SLC25A21: variants seen among roughly 807,000 people sequenced by gnomAD.
SLC25A21 encodes the protein mitochondrial 2-oxodicarboxylate carrier.
A neutral mutation model predicts 43.8 loss-of-function variants in SLC25A21; 47 were observed. That is an observed-to-expected ratio of 1.07 (90% confidence interval 0.85 to 1.37). The LOEUF (loss-of-function observed/expected upper bound fraction) is 1.37. SLC25A21 is among the 40% of genes most tolerant of loss of function. SLC25A21 has a pLI of 0.00. For missense variants in SLC25A21, 352 were observed against 350.2 expected, an observed-to-expected ratio of 1.00 and a Z score of -0.04; for synonymous variants, 131 against 121.3, an observed-to-expected ratio of 1.08 and a Z score of -0.52.
chr14:36,693,214 A>G (rs775482172), intron 7 of SLC25A21, among the ~76,000 whole-genome samples: 2 of 152,206 alleles, frequency 1.3e-5, no homozygotes, highest in East Asian at 3.8e-4. Context: ...AAAATTTCCC[A>G]TTTTATCCTG....
At chr14:36,785,364 A>G (rs911365132) in intron 3 of SLC25A21, among the ~76,000 whole-genome samples, 17 of 152,330 alleles carry the variant, frequency 1.1e-4, no homozygotes, top group African/African-American at 3.8e-4. Flanking sequence ...ATTCATTGCC[A>G]TGCATTTAAT....
intron 2 of SLC25A21, among the ~76,000 whole-genome samples, chr14:36,830,489 C>T (rs1469417901): frequency 6.6e-6 from 1 of 151,834 alleles, no homozygotes; most frequent in Non-Finnish European, 1.5e-5. Context: ...ATTATTGTTT[C>T]CTACTACACT....
At chr14:36,786,953 G>A (rs1887275424) in intron 3 of SLC25A21, among the ~76,000 whole-genome samples, 2 of 152,160 alleles carry the variant, frequency 1.3e-5, no homozygotes, top group Admixed American at 6.5e-5. Flanking sequence ...TGAGCCTGTG[G>A]TAATAAAATA....
At chr14:37,039,534 T>A (rs1961399989) in intron 1 of SLC25A21, among the ~76,000 whole-genome samples, 1 of 152,220 alleles carries the variant, frequency 6.6e-6, no homozygotes, top group Non-Finnish European at 1.5e-5. Context: ...CTTTTTTGTC[T>A]GACTTCTTTC....
intron 1 of SLC25A21, among the ~76,000 whole-genome samples, chr14:36,938,509 T>G (rs1892481431): frequency 6.6e-6 from 1 of 152,144 alleles, no homozygotes; most frequent in Non-Finnish European, 1.5e-5. Context: ...TACGGCCTTC[T>G]AAGTCTGCAT....
At chr14:36,730,004 C>T (rs149570098) in intron 4 of SLC25A21, among the ~76,000 whole-genome samples, 219 of 152,320 alleles carry the variant, frequency 1.4e-3, no homozygotes, top group Middle Eastern at 6.8e-3. Context: ...CCTTAACTTG[C>T]ATTTCTATTG....
chr14:36,885,123 T>C (rs919645194), intron 1 of SLC25A21, among the ~76,000 whole-genome samples: 7 of 152,208 alleles, frequency 4.6e-5, no homozygotes, highest in Admixed American at 2.6e-4. Flanking sequence ...TTAATCCACT[T>C]TGAGTTGATT....
intron 2 of SLC25A21, among the ~76,000 whole-genome samples, chr14:36,835,810 T>A (rs112741425): frequency 3.4e-4 from 52 of 152,220 alleles, no homozygotes; most frequent in African/African-American, 1.2e-3. Flanking sequence ...TTTTTCTCCA[T>A]CTTCCTTCTC....
At chr14:36,703,530 A>C (rs1051615133) in intron 7 of SLC25A21, among the ~76,000 whole-genome samples, 3 of 152,244 alleles carry the variant, frequency 2.0e-5, no homozygotes, top group Non-Finnish European at 4.4e-5. Context: ...TCTAACCCAC[A>C]CATGTAATTT....
chr14:36,843,234 T>A (rs900446411), intron 2 of SLC25A21, among the ~76,000 whole-genome samples: 2 of 152,152 alleles, frequency 1.3e-5, no homozygotes, highest in African/African-American at 4.8e-5. Flanking sequence ...TTCAGTCTTC[T>A]CCATCGTGCC....
At chr14:36,830,407 G>T (rs1453191313) in intron 2 of SLC25A21, among the ~76,000 whole-genome samples, 1 of 152,100 alleles carries the variant, frequency 6.6e-6, no homozygotes, top group Non-Finnish European at 1.5e-5. Flanking sequence ...AACCTAAGGT[G>T]TAACAAAGAT....
intron 1 of SLC25A21, among the ~76,000 whole-genome samples, chr14:37,053,696 A>C (rs1961758995): frequency 6.6e-6 from 1 of 152,208 alleles, no homozygotes; most frequent in African/African-American, 2.4e-5. Flanking sequence ...AACCTGAAAT[A>C]GTTTGTTATA....
intron 1 of SLC25A21, among the ~76,000 whole-genome samples, chr14:37,082,207 G>C (rs1355797960): frequency 1.3e-5 from 2 of 152,046 alleles, no homozygotes; most frequent in African/African-American, 4.8e-5. Context: ...ATAAATATAG[G>C]AACAACAGAC....
At chr14:37,014,417 C>T (rs917538577) in intron 1 of SLC25A21, among the ~76,000 whole-genome samples, 1 of 152,138 alleles carries the variant, frequency 6.6e-6, no homozygotes, top group Non-Finnish European at 1.5e-5. Flanking sequence ...TCTCAAGAAA[C>T]CACTTTCTTT....
chr14:36,978,369 T>G lies in SLC25A21; in HGVS notation c.71-103365A>C, dbSNP rs544449942. Among the ~76,000 whole-genome samples the G allele has an allele frequency of 2.0e-5, 3 of 152,354 alleles. No individual in the cohort carries two copies. The South Asian group carries it at 6.2e-4, about 32-fold the overall frequency. ...ATACTATAGTCTATTAAGTGTGTGA[T>G]AGTGTTATGCCTAAAAAAATGATGT... On this transcript the variant is annotated intron_variant, in intron 1 of 9. Transcript: ENST00000331299.
intron 3 of SLC25A21, among the ~76,000 whole-genome samples, chr14:36,739,652 T>C (rs1885172369): frequency 7.1e-6 from 1 of 141,716 alleles, no homozygotes; most frequent in South Asian, 2.2e-4. Flanking sequence ...CATTCCAGCC[T>C]GGCAACAGAG....
chr14:36,803,349 G>A (rs1196415402), intron 3 of SLC25A21, among the ~76,000 whole-genome samples: 2 of 152,008 alleles, frequency 1.3e-5, no homozygotes, highest in African/African-American at 4.8e-5. Context: ...GAGTTATATT[G>A]CAACATTCTT....
At chr14:36,891,703 A>G (rs1032431252) in intron 1 of SLC25A21, among the ~76,000 whole-genome samples, 3 of 152,070 alleles carry the variant, frequency 2.0e-5, no homozygotes, top group African/African-American at 7.2e-5. Context: ...GAGTGTAGCC[A>G]TGTGACTAAC....
intron 1 of SLC25A21, among the ~76,000 whole-genome samples, chr14:37,161,980 A>G (rs1370089064): frequency 1.3e-5 from 2 of 149,688 alleles, no homozygotes; most frequent in African/African-American, 4.9e-5. Context: ...AAAAAAAAAA[A>G]AAAGAAATCT....
Sources: allele counts gnomAD v4.1 joint callset (sites outside exome capture counted in the v4.1 genomes callset), GRCh38; gene constraint gnomAD v4.1.1; transcripts MANE v1.5; gene names NCBI Gene and HGNC (gene_info 2026-07-23, HGNC 2026-07-21).